Variants in SFTPD observed in about 807,000 individuals in gnomAD.
SFTPD encodes surfactant protein D, also known as pulmonary surfactant-associated protein D.
Under a neutral mutation model 34.6 loss-of-function variants are expected in SFTPD, and 18 were observed. The observed-to-expected ratio is 0.52, with a 90% CI of 0.36 to 0.77. The LOEUF (loss-of-function observed/expected upper bound fraction) is 0.77. Among genes scored for constraint, SFTPD ranks in the 30% least tolerant of loss-of-function variants. SFTPD has a pLI of 0.00. For synonymous variants in SFTPD, 155 were observed against 180.9 expected (o/e 0.86, Z 1.15); for missense variants, 433 against 468.9 (o/e 0.92, Z 0.71).
At chr10:79,978,199 G>C (rs1413058680) in intron 1 of SFTPD, among the ~76,000 whole-genome samples, 1 of 152,160 alleles carries the variant, frequency 6.6e-6, no homozygotes, top group Non-Finnish European at 1.5e-5. Context: ...CCTAACATAG[G>C]GGTGCAAGGA....
At chr10:79,949,323 G>A (rs1267605428), upstream of SFTPD, among the ~76,000 whole-genome samples, 1 of 152,188 alleles carries the variant, frequency 6.6e-6, no homozygotes, top group Admixed American at 6.5e-5. Context: ...GAACTCATCT[G>A]CACCTTTCTC....
intron 1 of SFTPD, among the ~76,000 whole-genome samples, chr10:79,967,631 C>A (rs973967830): frequency 4.1e-5 from 6 of 146,530 alleles, no homozygotes; most frequent in African/African-American, 7.8e-5. Flanking sequence ...CAGAACAGAG[C>A]CCTCAGAAAT....
intron 6 of SFTPD, 146 bp downstream of exon 6, chr10:79,941,252 G>T: frequency 1.4e-6 from 1 of 718,832 alleles, no homozygotes; most frequent in Non-Finnish European, 2.4e-6. Context: ...CTGCCTTCCA[G>T]CCTGTCCGCC....
intron 1 of SFTPD, among the ~76,000 whole-genome samples, chr10:79,954,578 G>T (rs1273057240): frequency 6.6e-6 from 1 of 152,168 alleles, no homozygotes; most frequent in Admixed American, 6.5e-5. Flanking sequence ...CTGCAGGTGG[G>T]CAGGTTGCCT....
At position 79,946,809 on chromosome 10, in the gene SFTPD, G is replaced by A. The variant is rs1021272870; in HGVS notation, c.-3-147C>T. On this transcript the variant is annotated intron_variant, in intron 1 of 7. Transcript: ENST00000372292. ...GGCCTAGAGCAGCAGGAATCCAAAAGCAGTTTAAGGACAAGGAGGGCACAA... is the reference window on the plus strand; with the variant it reads ...GGCCTAGAGCAGCAGGAATCCAAAAACAGTTTAAGGACAAGGAGGGCACAA... 1.7e-5 allele frequency: 12 copies of A among 719,318 alleles called. No individual in the cohort carries two copies. In the African/African-American group the frequency reaches 1.8e-4, roughly 11 times the overall value. The allele number at this position is 719,318 out of a possible 1,614,324, so 44.6% of individuals were successfully genotyped here.
intron 1 of SFTPD, among the ~76,000 whole-genome samples, chr10:79,978,635 G>C (rs1183772687): frequency 9.1e-6 from 1 of 110,184 alleles, no homozygotes; most frequent in African/African-American, 3.6e-5. Flanking sequence ...CTGGGCAGCA[G>C]AGTGACACCC....
At chr10:79,948,588 T>A (rs1348613572) in intron 1 of SFTPD, among the ~76,000 whole-genome samples, 1 of 152,136 alleles carries the variant, frequency 6.6e-6, no homozygotes, top group Non-Finnish European at 1.5e-5. Flanking sequence ...GTAAGTATAT[T>A]TTTTAAAGTA....
chr10:79,959,868 T>G (rs1170185667), intron 1 of SFTPD, among the ~76,000 whole-genome samples: 3 of 152,098 alleles, frequency 2.0e-5, no homozygotes, highest in South Asian at 2.1e-4. Flanking sequence ...ACCAATATCC[T>G]TGATGAACAT....
intron 1 of SFTPD, among the ~76,000 whole-genome samples, chr10:79,959,823 C>T (rs1227929374): frequency 6.6e-6 from 1 of 152,076 alleles, no homozygotes; most frequent in African/African-American, 2.4e-5. Flanking sequence ...GATACCAAAG[C>T]CTGGCAGAAA....
intron 1 of SFTPD, among the ~76,000 whole-genome samples, chr10:79,958,403 C>T (rs902425518): frequency 2.6e-5 from 4 of 152,100 alleles, no homozygotes; most frequent in African/African-American, 7.2e-5. Context: ...ATTCAGGAAA[C>T]CCATCTCACA....
chr10:79,949,515 C>T (rs1464508349), upstream of SFTPD, among the ~76,000 whole-genome samples: 2 of 152,218 alleles, frequency 1.3e-5, no homozygotes, highest in African/African-American at 2.4e-5. Context: ...TTTGTCTCAA[C>T]AGCACTGCCC....
chr10:79,982,013 G>C (rs1589345956), intron 1 of SFTPD: 9 of 290,878 alleles, frequency 3.1e-5, no homozygotes, highest in South Asian at 1.6e-4. Context: ...CCCAGGAAGA[G>C]CGCGCCGGGC....
intron 1 of SFTPD, among the ~76,000 whole-genome samples, chr10:79,955,109 A>G (rs1185732979): frequency 1.3e-5 from 2 of 151,938 alleles, no homozygotes; most frequent in African/African-American, 2.4e-5. Flanking sequence ...CCTGGTGCCA[A>G]TTTCTCAACT....
chr10:79,941,867 G>C (rs1425871384), intron 5 of SFTPD, 87 bp downstream of exon 5: 2 of 837,018 alleles, frequency 2.4e-6, no homozygotes, highest in Non-Finnish European at 4.1e-6. Context: ...TGCCTTTGTG[G>C]GTGGTGGAGG....
Position 79,942,012 on chromosome 10 carries a change from A to G in SFTPD, c.492T>C (p.Pro164=). The G allele has an allele frequency of 6.2e-7, 1 of 1,614,044 alleles. No homozygotes were observed. Among genetic ancestry groups the G allele is most frequent in the Non-Finnish European group, 8.5e-7 (1 of 1,179,982 alleles). ...GSAGARGLAG[P]KGERGVPGER... ...CACCAGGGACACCTCGCTCTCCCTTAGGGCCTGCGAGGCCTCTTGCCCCTG... is the reference window on the plus strand; with the variant it reads ...CACCAGGGACACCTCGCTCTCCCTTGGGGCCTGCGAGGCCTCTTGCCCCTG... Residue 164 remains proline, a synonymous_variant, in exon 5 of 8, where the codon CCT becomes CCC. Coordinates refer to ENST00000372292, the MANE Select transcript of SFTPD (RefSeq NM_003019.5).
intron 1 of SFTPD, among the ~76,000 whole-genome samples, chr10:79,963,123 C>G (rs2247820): frequency 0.66 from 100,764 of 151,824 alleles, 34,399 homozygotes; most frequent in African/African-American, 0.84. Context: ...TGAGAGGATT[C>G]TTTGAGGCCA....
At chr10:79,940,886 A>G in intron 6 of SFTPD, 98 bp from the exon 7 acceptor site, 1 of 771,566 alleles carries the variant, frequency 1.3e-6, no homozygotes, top group South Asian at 1.5e-5. Flanking sequence ...TTTCGGGCAC[A>G]TATTGTGGGG....
intron 2 of SFTPD, among the ~76,000 whole-genome samples, chr10:79,943,211 A>AT (rs905567481): frequency 2.0e-5 from 3 of 152,092 alleles, no homozygotes; most frequent in African/African-American, 7.2e-5. Flanking sequence ...CATTCCATAT[A>AT]TATATATTAG....
chr10:79,951,831 C>G (rs1264798351), upstream of SFTPD, among the ~76,000 whole-genome samples: 1 of 152,148 alleles, frequency 6.6e-6, no homozygotes, highest in African/African-American at 2.4e-5. Flanking sequence ...AACTGAGGGG[C>G]ACTAAACGAC....
Sources: gnomAD v4.1 joint callset for allele counts (sites outside exome capture counted in the v4.1 genomes callset) on GRCh38, gnomAD v4.1.1 for gene constraint, MANE v1.5 for transcripts, NCBI Gene and HGNC (gene_info 2026-07-23, HGNC 2026-07-21) for gene names.